The following TOX variants were observed in gnomAD, a reference collection of about 807,000 sequenced individuals.
The protein encoded by TOX is thymocyte selection-associated high mobility group box protein TOX.
A neutral mutation model predicts 53.7 loss-of-function variants in TOX; 11 were observed. The observed-to-expected ratio is 0.20, with a 90% CI of 0.13 to 0.34. The LOEUF (loss-of-function observed/expected upper bound fraction) is 0.34, where lower values mean the gene tolerates loss of function less well. TOX is among the 10% of genes least tolerant of loss of function. The pLI, the probability that TOX is intolerant of heterozygous loss-of-function variation, is 1.00. For synonymous variants in TOX, 225 were observed against 245.3 expected (o/e 0.92, Z 0.77); for missense variants, 570 against 664.6 (o/e 0.86, Z 1.56).
At chr8:58,914,236 G>C (rs1811962158) in intron 3 of TOX, among the ~76,000 whole-genome samples, 1 of 152,200 alleles carries the variant, frequency 6.6e-6, no homozygotes, top group Non-Finnish European at 1.5e-5. Flanking sequence ...ACTTAGGCAA[G>C]TCTGAACACC....
At chr8:59,071,012 G>A (rs552492610) in intron 1 of TOX, among the ~76,000 whole-genome samples, 34 of 152,318 alleles carry the variant, frequency 2.2e-4, no homozygotes, top group Admixed American at 1.4e-3. Context: ...TTCAGACAGA[G>A]AGTGCACCTA....
chr8:59,078,749 G>A lies in TOX; in HGVS notation c.102+40137C>T, dbSNP rs186661133. On this transcript the variant is annotated intron_variant, in intron 1 of 8. Coordinates refer to ENST00000361421, the MANE Select transcript of TOX (RefSeq NM_014729.3). ...GAATGTGGAAGCAATTTTGGAACTC[G>A]GTAATGGACAGAGGTTGGAACAGTT... Among the ~76,000 whole-genome samples the A allele has an allele frequency of 3.9e-5, 6 of 152,286 alleles. No homozygotes were observed. In the East Asian group the frequency reaches 7.7e-4, roughly 20 times the overall value.
At chr8:58,817,402 C>T (rs1356449828) in intron 6 of TOX, among the ~76,000 whole-genome samples, 1 of 144,974 alleles carries the variant, frequency 6.9e-6, no homozygotes, top group African/African-American at 2.6e-5. Flanking sequence ...AAAAAAAAAA[C>T]AAGTTTTAAG....
intron 1 of TOX, among the ~76,000 whole-genome samples, chr8:59,102,003 G>C (rs1251488980): frequency 1.3e-5 from 2 of 152,212 alleles, no homozygotes; most frequent in Non-Finnish European, 2.9e-5. Flanking sequence ...GCAGGTGGGA[G>C]AGTGGTAGTG....
At chr8:58,930,581 G>C (rs6471761) in intron 3 of TOX, among the ~76,000 whole-genome samples, 137,950 of 152,216 alleles carry the variant, frequency 0.91, 62,639 homozygotes, top group East Asian at 1. Context: ...GGTAGGAGAG[G>C]GAGGACAGAA....
At chr8:58,997,614 T>C (rs1428044515) in intron 1 of TOX, among the ~76,000 whole-genome samples, 2 of 152,214 alleles carry the variant, frequency 1.3e-5, no homozygotes, top group African/African-American at 4.8e-5. Context: ...AGATCACTAT[T>C]TGACAAAATC....
At chr8:58,874,854 C>A (rs1811258051) in intron 3 of TOX, among the ~76,000 whole-genome samples, 1 of 152,188 alleles carries the variant, frequency 6.6e-6, no homozygotes, top group Admixed American at 6.5e-5. Flanking sequence ...GAAGAACTGT[C>A]TTGGGCCACA....
intron 3 of TOX, among the ~76,000 whole-genome samples, chr8:58,853,327 C>T (rs1198593658): frequency 6.6e-6 from 1 of 152,116 alleles, no homozygotes; most frequent in Admixed American, 6.6e-5. Context: ...AAAAGTAGTT[C>T]AGGATTCTCC....
chr8:58,953,925 C>T lies in TOX; in HGVS notation c.168+6018G>A, dbSNP rs536369976. 1.5e-4 allele frequency among the ~76,000 whole-genome samples: 23 copies of T among 152,022 alleles called. No individual in the cohort carries two copies. In the South Asian group the frequency reaches 2.3e-3, roughly 15 times the overall value. Reference sequence around the variant, plus strand: ...CCCTTTTTGTCATACCTCATTTATACTCTAACCTGGAGAATTTTCTCGTTA... The same window carrying T: ...CCCTTTTTGTCATACCTCATTTATATTCTAACCTGGAGAATTTTCTCGTTA... On this transcript the variant is annotated intron_variant, in intron 2 of 8. Transcript: ENST00000361421.
chr8:59,071,119 G>A (rs1202155094), intron 1 of TOX, among the ~76,000 whole-genome samples: 6 of 152,130 alleles, frequency 3.9e-5, no homozygotes, highest in South Asian at 4.1e-4. Context: ...TGAAAAGCTC[G>A]CAGACATGGG....
chr8:59,040,684 T>C (rs1457433379), intron 1 of TOX, among the ~76,000 whole-genome samples: 1 of 152,182 alleles, frequency 6.6e-6, no homozygotes, highest in Admixed American at 6.5e-5. Context: ...CAGGGCCACA[T>C]CTGCACAGCA....
At chr8:58,815,249 T>C in intron 7 of TOX, 89 bp downstream of exon 7, 4 of 1,486,142 alleles carry the variant, frequency 2.7e-6, no homozygotes, top group Non-Finnish European at 3.6e-6. Context: ...ATATCCCCAA[T>C]CCTGTCCTGG....
At chr8:59,070,250 T>A (rs1467296787) in intron 1 of TOX, among the ~76,000 whole-genome samples, 1 of 152,178 alleles carries the variant, frequency 6.6e-6, no homozygotes, top group East Asian at 1.9e-4. Context: ...GCCAAATATC[T>A]GCCTCAACAC....
chr8:59,014,421 T>G (rs1813971303), intron 1 of TOX, among the ~76,000 whole-genome samples: 1 of 152,208 alleles, frequency 6.6e-6, no homozygotes, highest in Non-Finnish European at 1.5e-5. Flanking sequence ...TCATACTGAG[T>G]GTTGAGCTTT....
At chr8:58,900,882 T>C (rs767147884) in intron 3 of TOX, among the ~76,000 whole-genome samples, 30 of 152,112 alleles carry the variant, frequency 2.0e-4, no homozygotes, top group Non-Finnish European at 3.1e-4. Context: ...TTCGTTGAAA[T>C]GAATTTTTAC....
At chr8:58,935,997 G>C (rs7002879) in intron 3 of TOX, among the ~76,000 whole-genome samples, 1 of 152,082 alleles carries the variant, frequency 6.6e-6, no homozygotes, top group African/African-American at 2.4e-5. Flanking sequence ...TTGGGATAAC[G>C]GGCGCCAGCG....
At chr8:59,050,155 C>T (rs770693530) in intron 1 of TOX, among the ~76,000 whole-genome samples, 3 of 152,230 alleles carry the variant, frequency 2.0e-5, no homozygotes, top group Non-Finnish European at 4.4e-5. Flanking sequence ...TGGAATTTCA[C>T]GCATTGTGAC....
chr8:58,875,082 C>G, intron 3 of TOX, among the ~76,000 whole-genome samples: 1 of 152,162 alleles, frequency 6.6e-6, no homozygotes, highest in African/African-American at 2.4e-5. Flanking sequence ...ACATAGAAGA[C>G]CTCTGAGTAC....
intron 3 of TOX, among the ~76,000 whole-genome samples, chr8:58,871,232 C>T (rs1811192050): frequency 7.1e-6 from 1 of 141,692 alleles, no homozygotes; most frequent in East Asian, 2.1e-4. Context: ...GGACAGTAAA[C>T]ATTGGTTGCC....
Sources: gnomAD v4.1 joint callset for allele counts (sites outside exome capture counted in the v4.1 genomes callset) on GRCh38, gnomAD v4.1.1 for gene constraint, MANE v1.5 for transcripts, NCBI Gene and HGNC (gene_info 2026-07-23, HGNC 2026-07-21) for gene names.